Variants in LRP2 observed in about 807,000 individuals in gnomAD.
LRP2 encodes LDL receptor related protein 2.
A neutral mutation model predicts 531.0 loss-of-function variants in LRP2; 172 were observed. That is an observed-to-expected ratio of 0.32 (90% CI 0.29 to 0.37). The LOEUF (loss-of-function observed/expected upper bound fraction) is 0.37, where lower values mean the gene tolerates loss of function less well. Ranked by LOEUF, LRP2 falls within the 10% of genes least tolerant of loss-of-function variation. The pLI is 1.00. For synonymous variants in LRP2, 1,992 were observed against 2,027.6 expected (o/e 0.98, Z 0.47); for missense variants, 5,167 against 5,868.3 (o/e 0.88, Z 3.90).
At chr2:169,313,474 C>T (rs1180302121) in intron 3 of LRP2, among the ~76,000 whole-genome samples, 1 of 152,154 alleles carries the variant, frequency 6.6e-6, no homozygotes, top group East Asian at 1.9e-4. Context: ...GCTGGAGGTC[C>T]ACTCCAGACC....
At chr2:169,157,220 T>G (rs1686364426) in intron 64 of LRP2, 151 bp downstream of exon 64, 1 of 807,678 alleles carries the variant, frequency 1.2e-6, no homozygotes, top group Non-Finnish European at 1.9e-6. Context: ...GGGAAAGCAA[T>G]TCTTGAGTAG....
At chr2:169,263,043 T>A (rs903086176) in intron 16 of LRP2, among the ~76,000 whole-genome samples, 4 of 152,214 alleles carry the variant, frequency 2.6e-5, no homozygotes, top group African/African-American at 9.6e-5. Flanking sequence ...GCTAGCCATA[T>A]GTAGAAAGCT....
At position 169,188,032 on chromosome 2, in the gene LRP2, T is replaced by C; in HGVS notation, c.9266A>G (p.Glu3089Gly). 1 of 1,614,126 alleles carries C rather than the reference T, an allele frequency of 6.2e-7. No individual in the cohort carries two copies. The highest frequency in any genetic ancestry group is 1.3e-5 in the African/African-American group (1 of 75,010). ...EFKCDNGRCI[E>G]MMKLCNHLDD... ...TAGGTGGTTGCAGAGTTTCATCATC[T>C]CGATGCAGCGCCCATTGTCACACTT... The change falls in exon 49 of 79, where the codon GAG (glutamate) becomes GGG (glycine). Residue 3089 changes from glutamate to glycine, a missense_variant. Physicochemically the swap from Glu to Gly is moderately conservative, Grantham distance 98. Around this residue, in one of 6 missense-constraint regions of LRP2, gnomAD observed 1,129 missense variants for 1,362.7 expected, o/e 0.83. Coordinates refer to ENST00000649046, the MANE Select transcript of LRP2 (RefSeq NM_004525.3).
At chr2:169,312,447 G>T (rs1262112499) in intron 3 of LRP2, among the ~76,000 whole-genome samples, 2 of 151,896 alleles carry the variant, frequency 1.3e-5, no homozygotes, top group Non-Finnish European at 2.9e-5. Flanking sequence ...GATTTTATTT[G>T]TCCTTCACTT....
At chr2:169,282,065 T>C (rs1683718788) in intron 10 of LRP2, among the ~76,000 whole-genome samples, 1 of 152,156 alleles carries the variant, frequency 6.6e-6, no homozygotes, top group Non-Finnish European at 1.5e-5. Flanking sequence ...ATGTTACCTA[T>C]GCAAAAATAA....
chr2:169,219,189 T>C (rs1291855286), intron 34 of LRP2, among the ~76,000 whole-genome samples: 1 of 152,194 alleles, frequency 6.6e-6, no homozygotes, highest in East Asian at 1.9e-4. Context: ...GTTTGCTTCT[T>C]GTGCCCTTTA....
chr2:169,318,702 C>T (rs531028375), intron 3 of LRP2, 60 bp downstream of exon 3: 274 of 1,611,866 alleles, frequency 1.7e-4, no homozygotes, highest in Admixed American at 3.7e-4. Context: ...AACTTCTTTG[C>T]GACAGGTTGG....
chr2:169,307,526 C>T, intron 3 of LRP2, 129 bp from the exon 4 acceptor site: 1 of 687,732 alleles, frequency 1.5e-6, no homozygotes, highest in Middle Eastern at 3.6e-4. Context: ...TGGCTACCAC[C>T]AAGCTGAGCT....
intron 77 of LRP2, among the ~76,000 whole-genome samples, chr2:169,130,952 C>A (rs1168854612): frequency 2.0e-5 from 3 of 152,162 alleles, no homozygotes; most frequent in African/African-American, 7.2e-5. Flanking sequence ...GTTACAGCCT[C>A]CCCACCACAG....
intron 33 of LRP2, among the ~76,000 whole-genome samples, chr2:169,222,838 C>T (rs986426491): frequency 1.3e-5 from 2 of 152,242 alleles, no homozygotes; most frequent in Non-Finnish European, 1.5e-5. Context: ...GTGAAACCCT[C>T]CGATAAGCAA....
At chr2:169,313,197 C>T (rs1348002417) in intron 3 of LRP2, among the ~76,000 whole-genome samples, 1 of 152,178 alleles carries the variant, frequency 6.6e-6, no homozygotes. Context: ...CGTCTGAAGC[C>T]TTCTTCTCTC....
intron 1 of LRP2, among the ~76,000 whole-genome samples, chr2:169,336,829 C>T (rs1285579879): frequency 6.6e-6 from 1 of 152,132 alleles, no homozygotes. Flanking sequence ...TAAAACTATC[C>T]CATCTCCTTC....
At chr2:169,168,146 C>T (rs907488078) in intron 61 of LRP2, among the ~76,000 whole-genome samples, 2 of 150,036 alleles carry the variant, frequency 1.3e-5, no homozygotes, top group African/African-American at 4.9e-5. Context: ...TAAAGGTGCT[C>T]CAGGAAGCTC....
chr2:169,156,566 A>G (rs1214046968), intron 64 of LRP2, among the ~76,000 whole-genome samples, 161 bp from the exon 65 acceptor site: 3 of 152,190 alleles, frequency 2.0e-5, no homozygotes, highest in African/African-American at 7.2e-5. Flanking sequence ...AGTTTCAGAT[A>G]CTGTTTCACA....
At chr2:169,202,407 C>T (rs187581196) in intron 43 of LRP2, among the ~76,000 whole-genome samples, 5 of 152,278 alleles carry the variant, frequency 3.3e-5, no homozygotes, top group African/African-American at 1.2e-4. Flanking sequence ...TGCACCATGC[C>T]TCATGCTAAG....
At chr2:169,260,244 A>G (rs554113079) in intron 16 of LRP2, among the ~76,000 whole-genome samples, 1 of 152,248 alleles carries the variant, frequency 6.6e-6, no homozygotes, top group South Asian at 2.1e-4. Flanking sequence ...ATAAAAGAGT[A>G]ATGAGTGCTG....
At chr2:169,147,865 T>C (rs914750422) in intron 68 of LRP2, among the ~76,000 whole-genome samples, 1 of 152,146 alleles carries the variant, frequency 6.6e-6, no homozygotes, top group African/African-American at 2.4e-5. Flanking sequence ...CCCAGTGTAA[T>C]CCGCTCCTCT....
At chr2:169,328,441 T>TTA (rs1553515041) in intron 1 of LRP2, among the ~76,000 whole-genome samples, 5 of 49,134 alleles carry the variant, frequency 1.0e-4, no homozygotes, top group Admixed American at 2.6e-4. Flanking sequence ...CGGGCCGGGA[T>TTA]AAAAAAAAAA....
At chr2:169,195,134 G>A (rs1159368255) in intron 46 of LRP2, among the ~76,000 whole-genome samples, 4 of 152,108 alleles carry the variant, frequency 2.6e-5, no homozygotes, top group Admixed American at 6.6e-5. Flanking sequence ...TTTTCATAGT[G>A]AAAAAATGGA....
Sources: allele counts gnomAD v4.1 joint callset (sites outside exome capture counted in the v4.1 genomes callset), GRCh38; gene constraint gnomAD v4.1.1; regional missense constraint gnomAD v4.1.1; transcripts MANE v1.5; gene names NCBI Gene and HGNC (gene_info 2026-07-23, HGNC 2026-07-21).